The following SLC25A48 variants were observed in gnomAD, a reference collection of about 807,000 sequenced individuals.
SLC25A48 encodes solute carrier family 25 member 48.
A neutral mutation model predicts 32.2 loss-of-function variants in SLC25A48; 29 were observed. That is an observed-to-expected ratio of 0.90 (90% confidence interval 0.67 to 1.23). The LOEUF (loss-of-function observed/expected upper bound fraction) is 1.23. Among genes scored for constraint, SLC25A48 ranks in the 50% most tolerant of loss-of-function variants. The pLI is 0.00. For synonymous variants in SLC25A48, 164 were observed against 172.3 expected (o/e 0.95, Z 0.38); for missense variants, 399 against 422.7 (o/e 0.94, Z 0.49).
chr5:135,843,574 C>G (rs4330456), intron 2 of SLC25A48, among the ~76,000 whole-genome samples: 8,156 of 152,174 alleles, frequency 0.054, 477 homozygotes, highest in African/African-American at 0.14. Flanking sequence ...TGATGGCAAA[C>G]ACAGTGATGA....
Position 135,580,280 on chromosome 5 carries a change from G to A in SLC25A48, c.-849+683G>A, listed in dbSNP as rs554339464. Among the ~76,000 whole-genome samples, 5 of 152,290 alleles carry A rather than the reference G, an allele frequency of 3.3e-5. No individual in the cohort carries two copies. The South Asian group carries it at 6.2e-4, about 19-fold the overall frequency. On this transcript the variant is annotated intron_variant, in intron 1 of 10. Transcript: ENST00000646290. ...TCCCTGGACCACTCTGTTGCTTTGAGGCCTGTCTGCCCTTCACTTCTTGCT... is the reference window on the plus strand; with the variant it reads ...TCCCTGGACCACTCTGTTGCTTTGAAGCCTGTCTGCCCTTCACTTCTTGCT...
chr5:135,814,712 G>A (rs916833515), intron 4 of SLC25A48, among the ~76,000 whole-genome samples: 2 of 152,192 alleles, frequency 1.3e-5, no homozygotes, highest in African/African-American at 4.8e-5. Flanking sequence ...CCCCAGCCCT[G>A]GTGTGATGAC....
intron 3 of SLC25A48, among the ~76,000 whole-genome samples, chr5:135,673,044 T>A (rs1290726257): frequency 6.6e-6 from 1 of 152,252 alleles, no homozygotes; most frequent in Non-Finnish European, 1.5e-5. Context: ...TATTCCTCCA[T>A]GCTATTGCAC....
At chr5:135,776,548 A>T (rs1756567291) in intron 3 of SLC25A48, among the ~76,000 whole-genome samples, 3 of 151,540 alleles carry the variant, frequency 2.0e-5, no homozygotes, top group African/African-American at 2.4e-5. Context: ...AGGTATGTAC[A>T]CCCCTTCTGT....
chr5:135,732,149 C>T (rs2126992654), intron 3 of SLC25A48, among the ~76,000 whole-genome samples: 1 of 152,356 alleles, frequency 6.6e-6, no homozygotes, highest in South Asian at 2.1e-4. Flanking sequence ...AAGTTGGTGG[C>T]TGAGCTTGGT....
At chr5:135,764,285 C>G (rs62365690) in intron 3 of SLC25A48, among the ~76,000 whole-genome samples, 61,509 of 151,806 alleles carry the variant, frequency 0.41, 14,328 homozygotes, top group Non-Finnish European at 0.52. Flanking sequence ...CACAGAAAAA[C>G]ATAGTAATAT....
intron 3 of SLC25A48, among the ~76,000 whole-genome samples, chr5:135,645,773 G>T (rs1752944209): frequency 6.6e-6 from 1 of 152,212 alleles, no homozygotes; most frequent in Non-Finnish European, 1.5e-5. Context: ...GGAAAGCATA[G>T]ATACCCAAAA....
At chr5:135,628,305 AG>A (rs2126904677) in intron 1 of SLC25A48, among the ~76,000 whole-genome samples, 1 of 152,280 alleles carries the variant, frequency 6.6e-6, no homozygotes, top group Admixed American at 6.5e-5. Flanking sequence ...CAACTACAGA[AG>A]GGGGTCAATT....
intron 3 of SLC25A48, among the ~76,000 whole-genome samples, chr5:135,736,551 G>A (rs1580826845): frequency 6.6e-6 from 1 of 152,014 alleles, no homozygotes; most frequent in Non-Finnish European, 1.5e-5. Flanking sequence ...GGATTGGGGA[G>A]TGCTTGCCCC....
At chr5:135,695,372 T>C (rs964386976) in intron 3 of SLC25A48, among the ~76,000 whole-genome samples, 2 of 152,254 alleles carry the variant, frequency 1.3e-5, no homozygotes. Context: ...GCAAATCTGG[T>C]GCCTGGCACA....
intron 3 of SLC25A48, among the ~76,000 whole-genome samples, chr5:135,740,917 A>C (rs1236908011): frequency 2.0e-5 from 3 of 152,218 alleles, no homozygotes; most frequent in Admixed American, 6.5e-5. Flanking sequence ...GTATATTTTG[A>C]ATCTACTCAA....
At chr5:135,714,059 G>T (rs774097124) in intron 3 of SLC25A48, among the ~76,000 whole-genome samples, 1 of 152,226 alleles carries the variant, frequency 6.6e-6, no homozygotes, top group Non-Finnish European at 1.5e-5. Context: ...TGAGACTGAT[G>T]AAGTTAGAAC....
At chr5:135,730,320 G>T (rs993154786) in intron 3 of SLC25A48, among the ~76,000 whole-genome samples, 1 of 152,122 alleles carries the variant, frequency 6.6e-6, no homozygotes, top group Non-Finnish European at 1.5e-5. Context: ...TCTTTCCCAT[G>T]CTGTTCTCAT....
At chr5:135,800,890 C>A (rs1406950924) in intron 3 of SLC25A48, among the ~76,000 whole-genome samples, 1 of 150,478 alleles carries the variant, frequency 6.6e-6, no homozygotes, top group African/African-American at 2.4e-5. Flanking sequence ...ATATCACTCC[C>A]CATATCGCAG....
At chr5:135,761,805 A>G (rs956717438) in intron 3 of SLC25A48, among the ~76,000 whole-genome samples, 2 of 152,202 alleles carry the variant, frequency 1.3e-5, no homozygotes, top group Non-Finnish European at 2.9e-5. Context: ...GTGAGACCTC[A>G]CTGTCCCCAG....
At chr5:135,693,363 T>C (rs571807094) in intron 3 of SLC25A48, among the ~76,000 whole-genome samples, 6 of 152,306 alleles carry the variant, frequency 3.9e-5, no homozygotes, top group African/African-American at 1.4e-4. Flanking sequence ...GCAGTTCTCC[T>C]TGGTAGGGGC....
intron 7 of SLC25A48, 39 bp from the exon 8 acceptor site, chr5:135,887,993 T>G (rs770752164): frequency 1.9e-6 from 3 of 1,544,820 alleles, no homozygotes. Flanking sequence ...GTTCTTTGCC[T>G]GCCTTCTTCT....
At chr5:135,774,798 C>T (rs1400346099) in intron 3 of SLC25A48, among the ~76,000 whole-genome samples, 1 of 151,320 alleles carries the variant, frequency 6.6e-6, no homozygotes, top group African/African-American at 2.4e-5. Flanking sequence ...GATGATATTA[C>T]TCTAAATATT....
At chr5:135,851,177 A>G (rs1449151594) in intron 3 of SLC25A48, among the ~76,000 whole-genome samples, 1 of 152,160 alleles carries the variant, frequency 6.6e-6, no homozygotes, top group South Asian at 2.1e-4. Flanking sequence ...CACTGTAGCC[A>G]TTGTCTCCAC....
Sources: gnomAD v4.1 joint callset for allele counts (sites outside exome capture counted in the v4.1 genomes callset) on GRCh38, gnomAD v4.1.1 for gene constraint, MANE v1.5 for transcripts, NCBI Gene and HGNC (gene_info 2026-07-23, HGNC 2026-07-21) for gene names.